SPMIP4: variants seen among roughly 807,000 people sequenced by gnomAD.
SPMIP4 encodes sperm microtubule inner protein 4, also known as sperm-associated microtubule inner protein 4.
the SPMIP4 span, chr7:25,151,595 C>T: frequency 2.9e-5 from 46 of 1,565,218 alleles, no homozygotes; most frequent in African/African-American, 4.1e-4. Context: ...AAGATACTTA[C>T]ATCATAATAT....
At chr7:25,177,611 T>A in the SPMIP4 span, among the ~76,000 whole-genome samples, 1 of 152,226 alleles carries the variant, frequency 6.6e-6, no homozygotes. Flanking sequence ...GTAAATACAA[T>A]ACAGGAAATG....
chr7:25,126,192 CT>C, the SPMIP4 span, among the ~76,000 whole-genome samples: 1 of 152,062 alleles, frequency 6.6e-6, no homozygotes, highest in African/African-American at 2.4e-5. Flanking sequence ...TCCAATTATA[CT>C]TTTAGTTTGT....
At chr7:25,174,970 T>G in the SPMIP4 span, among the ~76,000 whole-genome samples, 1 of 152,220 alleles carries the variant, frequency 6.6e-6, no homozygotes, top group Non-Finnish European at 1.5e-5. This position sits in a 1 kb window ranked among gnomAD's most constrained non-coding sequence, Gnocchi z 4.5. Flanking sequence ...GTAATTAAAG[T>G]GTAGCAACTA....
the SPMIP4 span, among the ~76,000 whole-genome samples, chr7:25,164,299 T>C: frequency 4.6e-5 from 7 of 152,138 alleles, no homozygotes; most frequent in African/African-American, 1.7e-4. Context: ...TCCAATTGCA[T>C]TGGAAGCTGA....
At chr7:25,126,043 C>T in the SPMIP4 span, 99 of 547,058 alleles carry the variant, frequency 1.8e-4, no homozygotes, top group African/African-American at 2.0e-4. Context: ...TTTATGAGTA[C>T]GAAGTAGGTA....
chr7:25,136,549 ATCT>A, the SPMIP4 span: 1 of 1,614,124 alleles, frequency 6.2e-7, no homozygotes. The surrounding 1 kb of genome is among the most constrained non-coding windows in gnomAD (Gnocchi z 5.7). Flanking sequence ...TTCTTCTATG[ATCT>A]TCTCTTCAAT....
the SPMIP4 span, among the ~76,000 whole-genome samples, chr7:25,155,965 C>T: frequency 6.6e-6 from 1 of 152,044 alleles, no homozygotes; most frequent in African/African-American, 2.4e-5. Context: ...TTGAATTCCT[C>T]CCTTCCGCCC....
chr7:25,149,597 G>C, the SPMIP4 span, among the ~76,000 whole-genome samples: 2 of 152,140 alleles, frequency 1.3e-5, no homozygotes, highest in Admixed American at 1.3e-4. Context: ...AATGCACTGT[G>C]GGGATATACA....
chr7:25,142,512 T>G, the SPMIP4 span: 1 of 935,672 alleles, frequency 1.1e-6, no homozygotes, highest in Non-Finnish European at 1.6e-6. Context: ...TAATTCTTAT[T>G]TAAATACTTT....
At chr7:25,173,757 A>G in the SPMIP4 span, among the ~76,000 whole-genome samples, 1 of 152,216 alleles carries the variant, frequency 6.6e-6, no homozygotes, top group Non-Finnish European at 1.5e-5. The surrounding 1 kb of genome is among the most constrained non-coding windows in gnomAD (Gnocchi z 4.4). Flanking sequence ...AACCTAAATG[A>G]GTCAATTTCT....
the SPMIP4 span, among the ~76,000 whole-genome samples, chr7:25,151,027 T>C: frequency 1.3e-5 from 2 of 152,146 alleles, no homozygotes; most frequent in African/African-American, 4.8e-5. Context: ...GTTGTAAGAA[T>C]AGGGTTGGAG....
the SPMIP4 span, among the ~76,000 whole-genome samples, chr7:25,134,320 C>T: frequency 7.7e-5 from 9 of 116,852 alleles, no homozygotes; most frequent in South Asian, 2.7e-3. Flanking sequence ...AGTTAGTAAA[C>T]TAACACATTT....
At chr7:25,157,632 AATATCT>A in the SPMIP4 span, among the ~76,000 whole-genome samples, 2 of 152,348 alleles carry the variant, frequency 1.3e-5, no homozygotes, top group South Asian at 4.1e-4. Context: ...CATTCTACAA[AATATCT>A]AACCAATAAT....
the SPMIP4 span, among the ~76,000 whole-genome samples, chr7:25,151,983 T>C: frequency 9.2e-5 from 14 of 152,330 alleles, no homozygotes; most frequent in Non-Finnish European, 2.1e-4. Context: ...CACACTTGGC[T>C]TGTTGCTCTT....
At chr7:25,166,273 G>A in the SPMIP4 span, among the ~76,000 whole-genome samples, 1 of 114,344 alleles carries the variant, frequency 8.7e-6, no homozygotes, top group African/African-American at 3.4e-5. Context: ...TGTTGCCCAG[G>A]CTGGAGAGCA....
At chr7:25,136,172 C>T in the SPMIP4 span, 10 of 1,614,186 alleles carry the variant, frequency 6.2e-6, no homozygotes, top group South Asian at 1.1e-5. The surrounding 1 kb of genome is among the most constrained non-coding windows in gnomAD (Gnocchi z 5.7). Flanking sequence ...CAACCAAGAA[C>T]AGGTCTTGTT....
chr7:25,162,269 TC>T, the SPMIP4 span, among the ~76,000 whole-genome samples: 225 of 104,066 alleles, frequency 2.2e-3, no homozygotes, highest in Non-Finnish European at 2.9e-3. Context: ...AAACTCTGTC[TC>T]AAAAAAAAAA....
the SPMIP4 span, among the ~76,000 whole-genome samples, chr7:25,178,844 G>C: frequency 1.1e-3 from 165 of 152,236 alleles, no homozygotes; most frequent in Non-Finnish European, 2.0e-3. Flanking sequence ...TTTGAGAACA[G>C]CCTGGCCAAC....
At chr7:25,177,277 T>A in the SPMIP4 span, among the ~76,000 whole-genome samples, 1 of 152,032 alleles carries the variant, frequency 6.6e-6, no homozygotes, top group African/African-American at 2.4e-5. Flanking sequence ...GGTCAGGAGA[T>A]CGAGACCATC....
Sources: allele counts gnomAD v4.1 joint callset (sites outside exome capture counted in the v4.1 genomes callset), GRCh38; gene constraint gnomAD v4.1.1; non-coding constraint Gnocchi (gnomAD v3.1); transcripts MANE v1.5; gene names NCBI Gene and HGNC (gene_info 2026-07-23, HGNC 2026-07-21).